Variants in SPRED1 observed in about 807,000 individuals in gnomAD.
The protein encoded by SPRED1 is sprouty related EVH1 domain containing 1, also known as sprouty-related, EVH1 domain-containing protein 1.
Under a neutral mutation model 52.3 loss-of-function variants are expected in SPRED1, and 18 were observed. The observed-to-expected ratio is 0.34, with a 90% confidence interval of 0.24 to 0.51. The LOEUF (loss-of-function observed/expected upper bound fraction) is 0.51. Ranked by LOEUF, SPRED1 falls within the 20% of genes least tolerant of loss-of-function variation. SPRED1 has a pLI of 0.97. For synonymous variants in SPRED1, 155 were observed against 179.7 expected (o/e 0.86, Z 1.10); for missense variants, 485 against 551.0 (o/e 0.88, Z 1.20).
intron 2 of SPRED1, among the ~76,000 whole-genome samples, chr15:38,305,355 C>T (rs58689711): frequency 1.2e-3 from 159 of 136,162 alleles, no homozygotes; most frequent in Admixed American, 2.1e-3. Flanking sequence ...AAAAAAAAAA[C>T]TTTTTTTTTT....
chr15:38,326,170 G>A (rs1160139229), intron 4 of SPRED1: 1 of 152,244 alleles, frequency 6.6e-6, no homozygotes, highest in African/African-American at 2.4e-5. Context: ...GGAAGAAAGG[G>A]AATGTTTATT....
chr15:38,320,400 G>T (rs1895577871), intron 2 of SPRED1, among the ~76,000 whole-genome samples: 1 of 152,232 alleles, frequency 6.6e-6, no homozygotes, highest in African/African-American at 2.4e-5. Flanking sequence ...ACCAGCTCAT[G>T]CAGGGCCTAG....
intron 1 of SPRED1, among the ~76,000 whole-genome samples, chr15:38,260,549 A>G (rs373125251): frequency 1.3e-5 from 2 of 152,168 alleles, no homozygotes; most frequent in Admixed American, 6.5e-5. Context: ...TGTTACAGCT[A>G]TCTTGAAATA....
chr15:38,318,171 T>C (rs1895528004), intron 2 of SPRED1, among the ~76,000 whole-genome samples: 1 of 151,970 alleles, frequency 6.6e-6, no homozygotes, highest in Non-Finnish European at 1.5e-5. Context: ...GCAGCTACCA[T>C]AGAAGTTTTT....
chr15:38,301,453 C>T (rs1018486968), intron 2 of SPRED1, among the ~76,000 whole-genome samples: 2 of 152,010 alleles, frequency 1.3e-5, no homozygotes, highest in African/African-American at 4.8e-5. Flanking sequence ...ACTTGTGAAA[C>T]GGGGATAAGA....
intron 2 of SPRED1, among the ~76,000 whole-genome samples, chr15:38,318,679 TGTG>T (rs1895539085): frequency 6.6e-6 from 1 of 152,170 alleles, no homozygotes; most frequent in South Asian, 2.1e-4. Flanking sequence ...AGTAAGAACA[TGTG>T]GTGTTTGGCT....
intron 4 of SPRED1, among the ~76,000 whole-genome samples, chr15:38,339,289 A>G (rs1274229905): frequency 6.6e-6 from 1 of 152,146 alleles, no homozygotes; most frequent in Non-Finnish European, 1.5e-5. Flanking sequence ...ACAATAGTAG[A>G]CTAATGTTGT....
intron 1 of SPRED1, among the ~76,000 whole-genome samples, chr15:38,273,329 G>A (rs927467826): frequency 6.6e-6 from 1 of 151,976 alleles, no homozygotes; most frequent in African/African-American, 2.4e-5. Context: ...TAGTTCAGTA[G>A]TAGTCTTGTG....
At chr15:38,327,534 C>G (rs1324836735) in intron 4 of SPRED1, among the ~76,000 whole-genome samples, 3 of 152,168 alleles carry the variant, frequency 2.0e-5, no homozygotes, top group Admixed American at 6.5e-5. Context: ...TACGTGAAGA[C>G]ACTGGAGGAG....
chr15:38,313,349 ATATT>A (rs2140988430), intron 2 of SPRED1, among the ~76,000 whole-genome samples: 1 of 152,112 alleles, frequency 6.6e-6, no homozygotes, highest in East Asian at 1.9e-4. Context: ...TGACATAGAC[ATATT>A]TAAAGAATAC....
rs371967654 is a variant in SPRED1, at chr15:38,264,563, G to T, written c.32+11346G>T. ...TGGAGAAGCCAGGATCTGCTAAAAT[G>T]TTTTTTTTAAAAAAGAGTGAACAGT... is the stretch of plus-strand genomic sequence containing the variant. On this transcript the variant is annotated intron_variant, in intron 1 of 6. Transcript: ENST00000299084. Among the ~76,000 whole-genome samples, 8 of 151,762 alleles carry T rather than the reference G, an allele frequency of 5.3e-5. No individual in the cohort carries two copies. In the East Asian group the frequency reaches 5.8e-4, roughly 11 times the overall value.
chr15:38,273,606 A>T (rs560035654), intron 1 of SPRED1, among the ~76,000 whole-genome samples: 130 of 149,464 alleles, frequency 8.7e-4, no homozygotes, highest in African/African-American at 2.5e-3. Context: ...TAGTGTTTTT[A>T]AAAAAATTAT....
At chr15:38,342,955 G>C (rs1896057550) in intron 5 of SPRED1, among the ~76,000 whole-genome samples, 1 of 152,080 alleles carries the variant, frequency 6.6e-6, no homozygotes, top group Non-Finnish European at 1.5e-5. Context: ...AATTATTTTG[G>C]AAGACTATAT....
At chr15:38,258,181 A>T (rs1595710796) in intron 1 of SPRED1, among the ~76,000 whole-genome samples, 2 of 152,298 alleles carry the variant, frequency 1.3e-5, no homozygotes, top group South Asian at 4.1e-4. Flanking sequence ...CTTTCTTATG[A>T]TGTTGGTGAT....
At chr15:38,253,823 A>G (rs924212693) in intron 1 of SPRED1, among the ~76,000 whole-genome samples, 1 of 152,184 alleles carries the variant, frequency 6.6e-6, no homozygotes, top group Non-Finnish European at 1.5e-5. Context: ...ATGTTGAGCT[A>G]GAGTTTACCT....
At chr15:38,280,371 T>C (rs1180998185) in intron 1 of SPRED1, among the ~76,000 whole-genome samples, 1 of 152,164 alleles carries the variant, frequency 6.6e-6, no homozygotes, top group African/African-American at 2.4e-5. Context: ...CAGAAGGGTA[T>C]TGGCAGTAGA....
intron 1 of SPRED1, among the ~76,000 whole-genome samples, chr15:38,280,853 A>C (rs1894671467): frequency 6.6e-6 from 1 of 152,260 alleles, no homozygotes; most frequent in Non-Finnish European, 1.5e-5. Flanking sequence ...AAGAGAAAAC[A>C]GTGAATCACT....
intron 2 of SPRED1, among the ~76,000 whole-genome samples, chr15:38,301,097 GA>G (rs1895141591): frequency 1.3e-5 from 2 of 152,086 alleles, no homozygotes; most frequent in Non-Finnish European, 1.5e-5. Flanking sequence ...ATGTGAAATA[GA>G]AAAAACTCAG....
At chr15:38,282,353 A>T (rs540351801) in intron 1 of SPRED1, among the ~76,000 whole-genome samples, 8 of 149,102 alleles carry the variant, frequency 5.4e-5, no homozygotes, top group Admixed American at 4.0e-4. Context: ...ATGCACACAC[A>T]CAAGTTAACC....
Sources: allele counts gnomAD v4.1 joint callset (sites outside exome capture counted in the v4.1 genomes callset), GRCh38; gene constraint gnomAD v4.1.1; transcripts MANE v1.5; gene names NCBI Gene and HGNC (gene_info 2026-07-23, HGNC 2026-07-21).